MCTP1: variants seen among roughly 807,000 people sequenced by gnomAD.
MCTP1 encodes multiple C2 and transmembrane domain containing 1.
A neutral mutation model predicts 120.6 loss-of-function variants in MCTP1; 69 were observed. The observed-to-expected ratio is 0.57, with a 90% CI of 0.47 to 0.70. The LOEUF (loss-of-function observed/expected upper bound fraction) is 0.70. Ranked by LOEUF, MCTP1 falls within the 30% of genes least tolerant of loss-of-function variation. MCTP1 has a pLI of 0.00. For missense variants in MCTP1, 1,203 were observed against 1,248.8 expected, an observed-to-expected ratio of 0.96 and a Z score of 0.55; for synonymous variants, 529 against 493.1, an observed-to-expected ratio of 1.07 and a Z score of -0.96.
chr5:94,792,729 T>C (rs1212621416), intron 18 of MCTP1: 2 of 152,620 alleles, frequency 1.3e-5, no homozygotes, highest in Non-Finnish European at 2.9e-5. Flanking sequence ...CCTGTTGGAA[T>C]ATTGGAGGGA....
chr5:94,851,055 A>G (rs1433280003), intron 17 of MCTP1, among the ~76,000 whole-genome samples: 2 of 152,144 alleles, frequency 1.3e-5, no homozygotes, highest in Non-Finnish European at 2.9e-5. Context: ...AAGCACAGAT[A>G]CTAGTCCATC....
intron 12 of MCTP1, among the ~76,000 whole-genome samples, chr5:94,876,735 A>C (rs938178473): frequency 6.6e-6 from 1 of 152,044 alleles, no homozygotes; most frequent in Non-Finnish European, 1.5e-5. Flanking sequence ...AAATGGTGGC[A>C]GTGCTGGTTG....
chr5:94,708,745 A>G, intron 21 of MCTP1, 136 bp from the exon 22 acceptor site: 1 of 567,510 alleles, frequency 1.8e-6, no homozygotes, highest in Non-Finnish European at 3.2e-6. Flanking sequence ...TTTCTCCTTC[A>G]TTTCTTCCTC....
At chr5:95,280,225 TAGGA>T (rs1023482562) in intron 1 of MCTP1, among the ~76,000 whole-genome samples, 2 of 152,252 alleles carry the variant, frequency 1.3e-5, no homozygotes, top group African/African-American at 4.8e-5. Flanking sequence ...AGATATGTTG[TAGGA>T]ATCTTATCCC....
chr5:94,716,202 T>G (rs1333931410), intron 19 of MCTP1, among the ~76,000 whole-genome samples: 1 of 152,174 alleles, frequency 6.6e-6, no homozygotes, highest in East Asian at 1.9e-4. Flanking sequence ...TTAATTCACA[T>G]GGGAGAAATT....
rs1554073479 is a variant in MCTP1 at position 94,705,522 on chromosome 5, AAG to A, written c.*1972_*1973del. 14 of 151,156 alleles carry A rather than the reference AAG, an allele frequency of 9.3e-5. No individual in the cohort carries two copies. The highest frequency in any genetic ancestry group is 3.2e-4 in the African/African-American group (13 of 41,220). The allele number at this position is 151,156 out of a possible 1,614,324, so 9.4% of individuals were successfully genotyped here. ...TCTGAACCACCAAAAAAAAAAAAAA[AAG>A]GAGTGCTGATTATACGTGGGAAAGA... On this transcript the variant is annotated 3_prime_UTR_variant, in exon 23 of 23. Transcript: ENST00000515393.
chr5:94,941,952 T>C (rs1008608503), intron 4 of MCTP1, among the ~76,000 whole-genome samples: 2 of 152,028 alleles, frequency 1.3e-5, no homozygotes, highest in Non-Finnish European at 2.9e-5. Context: ...TGAAGCAAAG[T>C]GTACACACTG....
intron 1 of MCTP1, among the ~76,000 whole-genome samples, chr5:95,163,582 T>C (rs970458668): frequency 6.6e-6 from 1 of 152,216 alleles, no homozygotes; most frequent in Non-Finnish European, 1.5e-5. Flanking sequence ...GCATATTCAA[T>C]AGTATATACA....
At chr5:94,837,687 G>A (rs1454534243) in intron 17 of MCTP1, among the ~76,000 whole-genome samples, 1 of 152,160 alleles carries the variant, frequency 6.6e-6, no homozygotes, top group African/African-American at 2.4e-5. Flanking sequence ...TATCTTTCAT[G>A]TCAGAGGGAT....
At chr5:95,013,442 C>A (rs539128646) in intron 2 of MCTP1, among the ~76,000 whole-genome samples, 1 of 152,080 alleles carries the variant, frequency 6.6e-6, no homozygotes, top group African/African-American at 2.4e-5. Context: ...GAAGTCAATG[C>A]GTGGCTTCAA....
At chr5:95,206,036 A>G (rs952413404) in intron 1 of MCTP1, among the ~76,000 whole-genome samples, 1 of 152,222 alleles carries the variant, frequency 6.6e-6, no homozygotes, top group Non-Finnish European at 1.5e-5. Flanking sequence ...ACTCCTGGTT[A>G]TATGCCCAAG....
chr5:94,868,983 A>G (rs986822492), intron 16 of MCTP1, among the ~76,000 whole-genome samples: 6 of 151,860 alleles, frequency 4.0e-5, no homozygotes, highest in Admixed American at 2.0e-4. Flanking sequence ...TCTTCTATCT[A>G]TCTATATCTG....
intron 17 of MCTP1, among the ~76,000 whole-genome samples, chr5:94,865,280 T>A (rs1796590353): frequency 6.6e-6 from 1 of 151,868 alleles, no homozygotes; most frequent in Non-Finnish European, 1.5e-5. Context: ...AAAAAAAAGA[T>A]TGTTTTTTAC....
At chr5:95,112,561 A>G (rs1289754715) in intron 1 of MCTP1, among the ~76,000 whole-genome samples, 2 of 152,190 alleles carry the variant, frequency 1.3e-5, no homozygotes, top group East Asian at 3.8e-4. Flanking sequence ...AATTCACTAT[A>G]CTTCTAATAA....
At chr5:94,960,166 G>A (rs964992991) in intron 2 of MCTP1, among the ~76,000 whole-genome samples, 1 of 152,118 alleles carries the variant, frequency 6.6e-6, no homozygotes, top group Non-Finnish European at 1.5e-5. Flanking sequence ...ACAAGCAATG[G>A]GGAAAGGATA....
At chr5:94,967,114 A>T (rs977948822) in intron 2 of MCTP1, among the ~76,000 whole-genome samples, 1 of 152,184 alleles carries the variant, frequency 6.6e-6, no homozygotes, top group African/African-American at 2.4e-5. Flanking sequence ...AGGCCTATAC[A>T]CTCAGATGTT....
intron 1 of MCTP1, among the ~76,000 whole-genome samples, chr5:95,023,047 A>C (rs1170813956): frequency 6.6e-6 from 1 of 152,180 alleles, no homozygotes. Flanking sequence ...GCAATCATCA[A>C]AAAGCGCATC....
At chr5:94,894,319 G>T (rs941261742) in intron 11 of MCTP1, among the ~76,000 whole-genome samples, 1 of 152,144 alleles carries the variant, frequency 6.6e-6, no homozygotes, top group Non-Finnish European at 1.5e-5. Flanking sequence ...CAGCTACAAA[G>T]AATCAATAAA....
intron 17 of MCTP1, among the ~76,000 whole-genome samples, chr5:94,830,950 G>A (rs1166400217): frequency 1.3e-5 from 2 of 152,148 alleles, no homozygotes; most frequent in African/African-American, 4.8e-5. Context: ...ATGCAGGATT[G>A]TTTTGAAGGT....
Sources: gnomAD v4.1 joint callset for allele counts (sites outside exome capture counted in the v4.1 genomes callset) on GRCh38, gnomAD v4.1.1 for gene constraint, MANE v1.5 for transcripts, NCBI Gene and HGNC (gene_info 2026-07-23, HGNC 2026-07-21) for gene names.